Variants in SLC35F4 observed in about 807,000 individuals in gnomAD.
SLC35F4 encodes the protein solute carrier family 35 member F4.
A neutral mutation model predicts 44.2 loss-of-function variants in SLC35F4; 24 were observed. The observed-to-expected ratio is 0.54, with a 90% confidence interval of 0.39 to 0.76. The LOEUF (loss-of-function observed/expected upper bound fraction) is 0.76, where lower values mean the gene tolerates loss of function less well. Among genes scored for constraint, SLC35F4 ranks in the 30% least tolerant of loss-of-function variants. The pLI is 0.00. For synonymous variants in SLC35F4, 238 were observed against 223.6 expected (o/e 1.06, Z -0.57); for missense variants, 562 against 586.1 (o/e 0.96, Z 0.42).
chr14:57,870,929 T>C (rs1888285488), upstream of SLC35F4, among the ~76,000 whole-genome samples: 1 of 152,224 alleles, frequency 6.6e-6, no homozygotes, highest in Admixed American at 6.5e-5. Flanking sequence ...TTCAGTGCTT[T>C]GCAGAAAGAG....
At chr14:57,978,650 C>A (rs1389771698) in intron 1 of SLC35F4, among the ~76,000 whole-genome samples, 1 of 152,194 alleles carries the variant, frequency 6.6e-6, no homozygotes, top group African/African-American at 2.4e-5. Flanking sequence ...AGACTAATAA[C>A]TAGAATACAA....
intron 1 of SLC35F4, among the ~76,000 whole-genome samples, chr14:57,944,198 G>A (rs17093987): frequency 0.075 from 11,387 of 152,008 alleles, 525 homozygotes; most frequent in Middle Eastern, 0.13. Flanking sequence ...ACCAAAAGAG[G>A]GTCTTCTATT....
At chr14:57,873,784 A>T (rs1318051889) in intron 1 of SLC35F4, among the ~76,000 whole-genome samples, 1 of 152,020 alleles carries the variant, frequency 6.6e-6, no homozygotes, top group Non-Finnish European at 1.5e-5. Context: ...CCTTTCCCAG[A>T]TCTTTATTCT....
At chr14:57,779,899 A>C (rs576478901) in intron 1 of SLC35F4, among the ~76,000 whole-genome samples, 26 of 152,104 alleles carry the variant, frequency 1.7e-4, no homozygotes, top group African/African-American at 5.8e-4. Context: ...CGTATTAAAA[A>C]CTCTCGACAA....
intron 1 of SLC35F4, among the ~76,000 whole-genome samples, chr14:57,833,856 C>G (rs894649395): frequency 2.6e-5 from 4 of 152,156 alleles, no homozygotes; most frequent in African/African-American, 9.7e-5. Flanking sequence ...ACTAGCTTCA[C>G]AGAAAATAAT....
At position 57,804,827 on chromosome 14, in the gene SLC35F4, A is replaced by C. The variant is rs74907570; in HGVS notation, c.103+60896T>G. Among the ~76,000 whole-genome samples the C allele has an allele frequency of 0.015, 2,237 of 152,330 alleles. 277 individuals carry two copies. In the East Asian group the frequency reaches 0.33, roughly 22 times the overall value. On this transcript the variant is annotated intron_variant, in intron 1 of 7. Transcript: ENST00000556826. The stretch of plus-strand genomic sequence containing the variant: ...AAAAGAAACTATCATCAGAGTGAAC[A>C]GACAACCTAAAGAATGGGAGAAAAT...
At chr14:57,955,381 A>T (rs1333280409) in intron 1 of SLC35F4, among the ~76,000 whole-genome samples, 5 of 152,208 alleles carry the variant, frequency 3.3e-5, no homozygotes, top group Non-Finnish European at 1.5e-5. Flanking sequence ...GAAAACAAGT[A>T]CAAGACAAGT....
At chr14:57,633,003 G>T (rs1481175861) in intron 1 of SLC35F4, among the ~76,000 whole-genome samples, 1 of 152,058 alleles carries the variant, frequency 6.6e-6, no homozygotes, top group Non-Finnish European at 1.5e-5. Flanking sequence ...AGACTTCTCA[G>T]ATTGGCTTTT....
intron 1 of SLC35F4, among the ~76,000 whole-genome samples, chr14:57,853,769 G>C (rs1886809604): frequency 6.6e-6 from 1 of 152,172 alleles, no homozygotes; most frequent in African/African-American, 2.4e-5. Context: ...GAGAAAAAGA[G>C]ATGAAAGACA....
intron 1 of SLC35F4, among the ~76,000 whole-genome samples, chr14:57,853,991 A>G (rs2140992289): frequency 6.6e-6 from 1 of 152,350 alleles, no homozygotes; most frequent in Non-Finnish European, 1.5e-5. Flanking sequence ...CATAGTCTCA[A>G]ATGGCATAGA....
chr14:57,756,800 A>G lies in SLC35F4; in HGVS notation c.103+108923T>C, dbSNP rs114006580. 6.7e-3 allele frequency among the ~76,000 whole-genome samples: 1,017 copies of G among 151,036 alleles called. 13 individuals are homozygous for G. Among genetic ancestry groups the G allele is most frequent in the African/African-American group, 0.023 (959 of 41,236 alleles). ...CTCCCAAGTAGTTGGGACCGCAGGCATGCACCACCAAATCTGCCTAATTTT... is the reference window on the plus strand; with the variant it reads ...CTCCCAAGTAGTTGGGACCGCAGGCGTGCACCACCAAATCTGCCTAATTTT... On this transcript the variant is annotated intron_variant, in intron 1 of 7. Transcript: ENST00000556826.
chr14:57,673,929 A>G (rs2074602592), intron 1 of SLC35F4, among the ~76,000 whole-genome samples: 1 of 152,144 alleles, frequency 6.6e-6, no homozygotes, highest in South Asian at 2.1e-4. Context: ...AGAATACAGT[A>G]AACAACCCTC....
At chr14:57,822,159 C>G (rs886578259) in intron 1 of SLC35F4, among the ~76,000 whole-genome samples, 1 of 152,150 alleles carries the variant, frequency 6.6e-6, no homozygotes, top group Non-Finnish European at 1.5e-5. Context: ...ACTTTGGGGA[C>G]CTGAGAGACT....
chr14:57,915,517 T>A (rs1661909930), intron 1 of SLC35F4, among the ~76,000 whole-genome samples: 1 of 152,226 alleles, frequency 6.6e-6, no homozygotes, highest in African/African-American at 2.4e-5. Flanking sequence ...CACATCTCAC[T>A]ATATGTGGTT....
chr14:57,788,924 C>A (rs989264843), intron 1 of SLC35F4, among the ~76,000 whole-genome samples: 1 of 151,974 alleles, frequency 6.6e-6, no homozygotes, highest in Non-Finnish European at 1.5e-5. Context: ...GGGTACATAA[C>A]GAAATGAAGG....
At chr14:57,939,416 T>A (rs1380451779) in intron 1 of SLC35F4, among the ~76,000 whole-genome samples, 2 of 152,090 alleles carry the variant, frequency 1.3e-5, no homozygotes, top group African/African-American at 4.8e-5. Context: ...ACTGTAGCCA[T>A]CAATGTCAGC....
intron 1 of SLC35F4, among the ~76,000 whole-genome samples, chr14:57,937,902 A>C (rs1221875850): frequency 6.6e-6 from 1 of 152,108 alleles, no homozygotes; most frequent in Admixed American, 6.6e-5. Flanking sequence ...AACAGCAATA[A>C]GTTATTGTTT....
intron 1 of SLC35F4, among the ~76,000 whole-genome samples, chr14:57,621,066 A>C (rs988619410): frequency 2.6e-5 from 4 of 151,488 alleles, no homozygotes; most frequent in Non-Finnish European, 4.4e-5. Context: ...TCCCATTCAC[A>C]ATTGCTTCAA....
At chr14:57,632,438 GC>G (rs1452013380) in intron 1 of SLC35F4, among the ~76,000 whole-genome samples, 1 of 152,030 alleles carries the variant, frequency 6.6e-6, no homozygotes, top group Non-Finnish European at 1.5e-5. Context: ...AGAAAGACAG[GC>G]CTTCAAGGAT....
Sources: gnomAD v4.1 joint callset for allele counts (sites outside exome capture counted in the v4.1 genomes callset) on GRCh38, gnomAD v4.1.1 for gene constraint, MANE v1.5 for transcripts, NCBI Gene and HGNC (gene_info 2026-07-23, HGNC 2026-07-21) for gene names.